The following SNTG1 variants were observed in gnomAD, a reference collection of about 807,000 sequenced individuals.
SNTG1 encodes gamma-1-syntrophin.
In SNTG1, 39 loss-of-function variants were observed where a neutral mutation model predicts 74.7. That is an observed-to-expected ratio of 0.52 (90% CI 0.40 to 0.68). SNTG1 has a LOEUF of 0.68. Among genes scored for constraint, SNTG1 ranks in the 30% least tolerant of loss-of-function variants. SNTG1 has a pLI of 0.00. For synonymous variants in SNTG1, 254 were observed against 217.1 expected (o/e 1.17, Z -1.49); for missense variants, 685 against 609.5 (o/e 1.12, Z -1.30).
chr8:50,188,459 C>G (rs1437083427), intron 2 of SNTG1, among the ~76,000 whole-genome samples: 1 of 152,096 alleles, frequency 6.6e-6, no homozygotes, highest in African/African-American at 2.4e-5. Context: ...TCAGACAGTA[C>G]GTGCACATCA....
chr8:50,416,593 G>A (rs1027430919), intron 4 of SNTG1, among the ~76,000 whole-genome samples: 2 of 152,062 alleles, frequency 1.3e-5, no homozygotes, highest in African/African-American at 4.8e-5. Context: ...ACTGTGGCTT[G>A]TATTTTATTA....
At chr8:50,508,378 C>T (rs1258060773) in intron 9 of SNTG1, among the ~76,000 whole-genome samples, 3 of 152,156 alleles carry the variant, frequency 2.0e-5, no homozygotes, top group South Asian at 2.1e-4. Flanking sequence ...CCACAATAAA[C>T]ATACGTGTGC....
chr8:50,660,505 A>G (rs898370980), intron 15 of SNTG1, among the ~76,000 whole-genome samples: 39 of 136,856 alleles, frequency 2.8e-4, no homozygotes, highest in African/African-American at 1.0e-3. Context: ...AAGGAAGGAG[A>G]AGGAAGGGAG....
chr8:50,642,346 G>A (rs1300961892), intron 13 of SNTG1, among the ~76,000 whole-genome samples: 5 of 151,930 alleles, frequency 3.3e-5, no homozygotes, highest in Non-Finnish European at 7.4e-5. Context: ...TTCTCTTCAG[G>A]CAAGCAATCC....
intron 1 of SNTG1, among the ~76,000 whole-genome samples, chr8:50,000,678 C>T (rs1814662010): frequency 6.6e-6 from 1 of 152,182 alleles, no homozygotes; most frequent in Admixed American, 6.5e-5. Flanking sequence ...TTTACGCTCT[C>T]GTGCCCCTAA....
chr8:49,992,603 G>A (rs537617371), intron 1 of SNTG1, among the ~76,000 whole-genome samples: 2 of 152,148 alleles, frequency 1.3e-5, no homozygotes, highest in African/African-American at 4.8e-5. Context: ...CCACACATCT[G>A]CATTGACAAA....
chr8:50,618,909 GTATA>G (rs796825918), intron 13 of SNTG1, among the ~76,000 whole-genome samples: 29 of 151,668 alleles, frequency 1.9e-4, no homozygotes, highest in Non-Finnish European at 1.3e-4. Flanking sequence ...GTGTGTGTGT[GTATA>G]TATATATATG....
At chr8:50,509,507 A>G (rs1399602058) in intron 9 of SNTG1, among the ~76,000 whole-genome samples, 4 of 152,178 alleles carry the variant, frequency 2.6e-5, no homozygotes, top group Non-Finnish European at 5.9e-5. Flanking sequence ...TACCTTGGGC[A>G]GTATGGCCAT....
chr8:50,167,433 C>G (rs1050755169), intron 1 of SNTG1, among the ~76,000 whole-genome samples: 2 of 151,404 alleles, frequency 1.3e-5, no homozygotes, highest in African/African-American at 2.4e-5. Flanking sequence ...TATGTAAAAC[C>G]TTTCATATCA....
chr8:50,191,298 T>C (rs551436603), intron 2 of SNTG1, among the ~76,000 whole-genome samples: 1 of 152,256 alleles, frequency 6.6e-6, no homozygotes, highest in Admixed American at 6.5e-5. Context: ...TATTTTATCC[T>C]TTTTTTGGTT....
intron 2 of SNTG1, among the ~76,000 whole-genome samples, chr8:50,321,164 C>A (rs1376738286): frequency 6.6e-6 from 1 of 152,020 alleles, no homozygotes; most frequent in Admixed American, 6.5e-5. Flanking sequence ...GTGTCCAGGT[C>A]TATCTCTCTC....
At chr8:50,286,273 A>G (rs2088777823) in intron 2 of SNTG1, among the ~76,000 whole-genome samples, 1 of 152,154 alleles carries the variant, frequency 6.6e-6, no homozygotes, top group African/African-American at 2.4e-5. Context: ...CTCATGATGT[A>G]TTCTCTAACT....
intron 18 of SNTG1, among the ~76,000 whole-genome samples, chr8:50,783,991 AG>A (rs1162870014): frequency 1.3e-5 from 2 of 152,192 alleles, no homozygotes; most frequent in African/African-American, 4.8e-5. Flanking sequence ...GCTTTATCAA[AG>A]TAAGGGAGAA....
intron 1 of SNTG1, among the ~76,000 whole-genome samples, chr8:50,111,717 G>A (rs139508540): frequency 0.012 from 1,791 of 152,220 alleles, 13 homozygotes; most frequent in Non-Finnish European, 0.015. Flanking sequence ...AAGGCCCAGT[G>A]GAGGGCATAT....
chr8:50,365,154 C>G (rs935729787), intron 2 of SNTG1, among the ~76,000 whole-genome samples: 1 of 151,976 alleles, frequency 6.6e-6, no homozygotes, highest in Non-Finnish European at 1.5e-5. Flanking sequence ...TATGAGTAGT[C>G]AGAGAAAAAT....
At chr8:50,536,596 C>G in intron 10 of SNTG1, 82 bp from the exon 11 acceptor site, 5 of 1,479,624 alleles carry the variant, frequency 3.4e-6, no homozygotes, top group Middle Eastern at 1.9e-4. Flanking sequence ...AAAATAATAT[C>G]CCCCAGATAA....
chr8:50,687,621 G>A (rs1016401947), intron 15 of SNTG1, among the ~76,000 whole-genome samples: 6 of 152,198 alleles, frequency 3.9e-5, no homozygotes, highest in Non-Finnish European at 7.3e-5. Context: ...TGCACAACGT[G>A]CACGTTTGTT....
intron 12 of SNTG1, among the ~76,000 whole-genome samples, chr8:50,570,808 G>A (rs542977275): frequency 1.3e-4 from 19 of 151,392 alleles, no homozygotes; most frequent in South Asian, 6.3e-4. Flanking sequence ...GTTTCACCAC[G>A]TTGGTCAGGA....
chr8:50,255,736 A>T (rs2086850451), intron 2 of SNTG1, among the ~76,000 whole-genome samples: 1 of 151,922 alleles, frequency 6.6e-6, no homozygotes, highest in Admixed American at 6.6e-5. Context: ...GGCCCACCTT[A>T]CTCCAGTATG....
Sources: allele counts gnomAD v4.1 joint callset (sites outside exome capture counted in the v4.1 genomes callset), GRCh38; gene constraint gnomAD v4.1.1; transcripts MANE v1.5; gene names NCBI Gene and HGNC (gene_info 2026-07-23, HGNC 2026-07-21).